The following MAF variants were observed in gnomAD, a reference collection of about 807,000 sequenced individuals.
MAF encodes the protein transcription factor Maf.
Under a neutral mutation model 22.0 loss-of-function variants are expected in MAF, and 10 were observed. The ratio of observed to expected loss-of-function variants is 0.45; its 90% CI spans 0.28 to 0.77. The LOEUF (loss-of-function observed/expected upper bound fraction) is 0.77. Among genes scored for constraint, MAF ranks in the 30% least tolerant of loss-of-function variants. The pLI is 0.12. For synonymous variants in MAF, 337 were observed against 255.8 expected, an observed-to-expected ratio of 1.32 and a Z score of -3.03; for missense variants, 544 against 548.4, an observed-to-expected ratio of 0.99 and a Z score of 0.08.
chr16:79,357,503 C>G, the MAF span, among the ~76,000 whole-genome samples: 1,302 of 152,282 alleles, frequency 8.5e-3, 8 homozygotes, highest in South Asian at 0.02. Context: ...CTCCTGAGCA[C>G]TGTGCCTCTA....
the MAF span, among the ~76,000 whole-genome samples, chr16:79,393,606 G>A: frequency 6.6e-6 from 1 of 152,108 alleles, no homozygotes; most frequent in African/African-American, 2.4e-5. Flanking sequence ...CAGCCCCTGG[G>A]TGCAGCAAGG....
At chr16:79,204,604 C>G in the MAF span, 1 of 152,274 alleles carries the variant, frequency 6.6e-6, no homozygotes, top group Admixed American at 6.5e-5. Context: ...GGGCTTCACT[C>G]GTTTCATGGA....
chr16:79,427,042 A>G, the MAF span, among the ~76,000 whole-genome samples: 1 of 152,200 alleles, frequency 6.6e-6, no homozygotes, highest in African/African-American at 2.4e-5. Context: ...ATTGAACCAT[A>G]TCTCCATTGC....
chr16:79,532,454 G>A, the MAF span, among the ~76,000 whole-genome samples: 3 of 152,194 alleles, frequency 2.0e-5, no homozygotes, highest in Admixed American at 6.5e-5. Flanking sequence ...TTTCAGTGCA[G>A]TTTATCTCAG....
At chr16:79,290,758 C>T in the MAF span, among the ~76,000 whole-genome samples, 1 of 151,966 alleles carries the variant, frequency 6.6e-6, no homozygotes, top group African/African-American at 2.4e-5. Flanking sequence ...TCTAGAATAC[C>T]GTCCAACTCC....
the MAF span, among the ~76,000 whole-genome samples, chr16:79,576,032 T>C: frequency 6.6e-6 from 1 of 151,938 alleles, no homozygotes; most frequent in Non-Finnish European, 1.5e-5. Context: ...CCACTATTAA[T>C]GGGAATAATG....
At chr16:79,451,062 T>C in the MAF span, among the ~76,000 whole-genome samples, 2 of 152,148 alleles carry the variant, frequency 1.3e-5, no homozygotes, top group African/African-American at 4.8e-5. Flanking sequence ...TCATAAAATG[T>C]GTCTTTTTAT....
At chr16:79,454,044 C>G in the MAF span, among the ~76,000 whole-genome samples, 3 of 152,162 alleles carry the variant, frequency 2.0e-5, no homozygotes, top group South Asian at 6.2e-4. Context: ...CTGGCCAACT[C>G]CTAAACAGAG....
the MAF span, among the ~76,000 whole-genome samples, chr16:79,513,750 G>T: frequency 2.6e-5 from 4 of 152,162 alleles, no homozygotes; most frequent in Non-Finnish European, 5.9e-5. Context: ...GTTTAAAAGC[G>T]CTTAGCTGAG....
At chr16:79,364,509 A>G in the MAF span, among the ~76,000 whole-genome samples, 6 of 152,198 alleles carry the variant, frequency 3.9e-5, no homozygotes, top group African/African-American at 1.4e-4. Flanking sequence ...ACGGGGATGA[A>G]GAAGAGTTTG....
chr16:79,401,664 T>A, the MAF span, among the ~76,000 whole-genome samples: 1 of 151,982 alleles, frequency 6.6e-6, no homozygotes, highest in Middle Eastern at 3.2e-3. Context: ...CCATACAAAA[T>A]AATAATAGTG....
chr16:79,250,738 A>G, the MAF span, among the ~76,000 whole-genome samples: 1 of 152,088 alleles, frequency 6.6e-6, no homozygotes, highest in Non-Finnish European at 1.5e-5. Flanking sequence ...CAAATAATAA[A>G]TTCGTTTGAG....
the MAF span, among the ~76,000 whole-genome samples, chr16:79,554,204 C>T: frequency 6.6e-6 from 1 of 152,118 alleles, no homozygotes; most frequent in Non-Finnish European, 1.5e-5. Flanking sequence ...ACACAGATTG[C>T]AGTAGAAGGG....
the MAF span, among the ~76,000 whole-genome samples, chr16:79,328,410 G>A: frequency 6.6e-6 from 1 of 152,162 alleles, no homozygotes; most frequent in South Asian, 2.1e-4. Context: ...GGAAACAGGG[G>A]CAAAAGGAGA....
chr16:79,430,964 G>A, the MAF span, among the ~76,000 whole-genome samples: 10 of 152,318 alleles, frequency 6.6e-5, no homozygotes, highest in African/African-American at 2.4e-4. Flanking sequence ...GGGTGACAGG[G>A]AAGAGACTTC....
chr16:79,428,604 C>A, the MAF span, among the ~76,000 whole-genome samples: 3 of 152,054 alleles, frequency 2.0e-5, no homozygotes, highest in Non-Finnish European at 2.9e-5. Context: ...CTTTGGGAGG[C>A]CGAGGCAGGT....
the MAF span, among the ~76,000 whole-genome samples, chr16:79,522,795 T>A: frequency 6.6e-6 from 1 of 152,198 alleles, no homozygotes; most frequent in Non-Finnish European, 1.5e-5. Flanking sequence ...CACGAATGTT[T>A]TAAGGATTAA....
the MAF span, among the ~76,000 whole-genome samples, chr16:79,289,528 T>C: frequency 0.52 from 79,216 of 152,018 alleles, 23,268 homozygotes; most frequent in Admixed American, 0.65. Flanking sequence ...TCGCAGAACA[T>C]TTATAGGCTT....
chr16:79,490,696 G>T, the MAF span, among the ~76,000 whole-genome samples: 1 of 152,116 alleles, frequency 6.6e-6, no homozygotes, highest in African/African-American at 2.4e-5. Flanking sequence ...TTGGAAAGTG[G>T]TACATAGTAC....
Sources: gnomAD v4.1 joint callset for allele counts (sites outside exome capture counted in the v4.1 genomes callset) on GRCh38, gnomAD v4.1.1 for gene constraint, MANE v1.5 for transcripts, NCBI Gene and HGNC (gene_info 2026-07-23, HGNC 2026-07-21) for gene names.